GABRA3: variants seen among roughly 807,000 people sequenced by gnomAD.
GABRA3 encodes the protein gamma-aminobutyric acid type A receptor subunit alpha3, also known as gamma-aminobutyric acid receptor subunit alpha-3.
In GABRA3, 10 loss-of-function variants were observed where a neutral mutation model predicts 30.1. The ratio of observed to expected loss-of-function variants is 0.33; its 90% CI spans 0.20 to 0.56. GABRA3 has a LOEUF of 0.56. Among genes scored for constraint, GABRA3 ranks in the 20% least tolerant of loss-of-function variants. The pLI, the probability that GABRA3 is intolerant of heterozygous loss-of-function variation, is 0.89. For missense variants in GABRA3, 233 were observed against 392.0 expected (o/e 0.59, Z 3.42); for synonymous variants, 151 against 146.8 (o/e 1.03, Z -0.21).
rs1300015561 is a variant in GABRA3 at position 152,399,142 on chromosome X, T to C, written c.-26-34546A>G. The stretch of plus-strand genomic sequence containing the variant: ...CTCAGTCCTAATTCTTGGAAGTATC[T>C]TAAGATAATAGAGGTGTGCCATCAC... On this transcript the variant is annotated intron_variant, in intron 1 of 9. Coordinates refer to ENST00000370314, the MANE Select transcript of GABRA3 (RefSeq NM_000808.4). Among the ~76,000 whole-genome samples, 4 of 111,255 alleles carry C rather than the reference T, an allele frequency of 3.6e-5. No homozygotes were observed. The Admixed American group carries it at 3.8e-4, about 11-fold the overall frequency.
chrX:152,214,972 A>G (rs1937689654), intron 6 of GABRA3, among the ~76,000 whole-genome samples: 1 of 108,375 alleles, frequency 9.2e-6, no homozygotes, highest in Admixed American at 9.9e-5. Flanking sequence ...TTAGTTCTTT[A>G]GGGATATATG....
chrX:152,221,143 T>C (rs1603214476), intron 6 of GABRA3, among the ~76,000 whole-genome samples: 1 of 111,839 alleles, frequency 8.9e-6, no homozygotes, highest in East Asian at 2.8e-4. Flanking sequence ...TGGTTAATGT[T>C]AGTCTATGTC....
intron 4 of GABRA3, among the ~76,000 whole-genome samples, chrX:152,262,519 G>T (rs771627991): frequency 6.3e-5 from 7 of 111,842 alleles, no homozygotes; most frequent in Non-Finnish European, 1.1e-4. Context: ...AATTTCACCG[G>T]TCTCTTTGCT....
At chrX:152,209,830 T>G (rs1171784428) in intron 6 of GABRA3, among the ~76,000 whole-genome samples, 1 of 112,577 alleles carries the variant, frequency 8.9e-6, no homozygotes, top group Non-Finnish European at 1.9e-5. Flanking sequence ...TATTCATAAC[T>G]CTATGGTATT....
Position 152,242,895 on chromosome X carries a change from G to A in GABRA3, c.551+12883C>T, listed in dbSNP as rs774236877. Reference sequence around the variant, plus strand: ...CATCCAAAGGAAATGAAATCAGTATGTTGAAGAAATATCTGCATTTTCATG... The same window carrying A: ...CATCCAAAGGAAATGAAATCAGTATATTGAAGAAATATCTGCATTTTCATG... On this transcript the variant is annotated intron_variant, in intron 5 of 9. Coordinates refer to ENST00000370314, the MANE Select transcript of GABRA3 (RefSeq NM_000808.4). Among the ~76,000 whole-genome samples, 6 of 112,386 alleles carry A rather than the reference G, an allele frequency of 5.3e-5. 1 individual carries two copies. In the South Asian group the frequency reaches 2.2e-3, roughly 41 times the overall value.
intron 3 of GABRA3, among the ~76,000 whole-genome samples, chrX:152,308,617 C>T (rs755607279): frequency 3.6e-5 from 4 of 111,858 alleles, no homozygotes; most frequent in Non-Finnish European, 5.6e-5. Flanking sequence ...CCCTAAACGG[C>T]ATCAAAAGAT....
Position 152,295,604 on chromosome X carries a change from CA to C in GABRA3, c.263-10870del, listed in dbSNP as rs773885504. Reference sequence around the variant, plus strand: ...CCATTTTTCCAGGTAGTGTCTTTCACAGCTTCCCTTGGCTTGGAAGGGGAAA... The same window carrying C: ...CCATTTTTCCAGGTAGTGTCTTTCACGCTTCCCTTGGCTTGGAAGGGGAAA... On this transcript the variant is annotated intron_variant, in intron 3 of 9. Coordinates refer to ENST00000370314, the MANE Select transcript of GABRA3 (RefSeq NM_000808.4). Among the ~76,000 whole-genome samples the C allele has an allele frequency of 7.7e-4, 87 of 112,917 alleles. 1 individual carries two copies. The highest frequency in any genetic ancestry group is 3.7e-4 in the Admixed American group (4 of 10,721).
At chrX:152,196,331 G>A (rs1344402264) in intron 8 of GABRA3, among the ~76,000 whole-genome samples, 1 of 105,156 alleles carries the variant, frequency 9.5e-6, no homozygotes, top group Non-Finnish European at 1.9e-5. Context: ...TGAGAGGCGG[G>A]GGGTTGCAGT....
intron 9 of GABRA3, among the ~76,000 whole-genome samples, chrX:152,186,552 T>G (rs140592290): frequency 0.028 from 3,143 of 110,450 alleles, 43 homozygotes; most frequent in Middle Eastern, 0.051. Flanking sequence ...TACATCAGCC[T>G]AATTGTACTA....
chrX:152,274,335 A>G (rs1168086804), intron 4 of GABRA3, among the ~76,000 whole-genome samples: 1 of 110,922 alleles, frequency 9.0e-6, no homozygotes, highest in Non-Finnish European at 1.9e-5. Context: ...ACACTCATAA[A>G]CTTATCTACT....
At chrX:152,269,832 A>C (rs1938895114) in intron 4 of GABRA3, among the ~76,000 whole-genome samples, 2 of 112,153 alleles carry the variant, frequency 1.8e-5, no homozygotes, top group Admixed American at 9.5e-5. Context: ...CATCACACAC[A>C]ATAATAAAAT....
At chrX:152,296,658 T>C (rs1939533564) in intron 3 of GABRA3, among the ~76,000 whole-genome samples, 1 of 110,825 alleles carries the variant, frequency 9.0e-6, no homozygotes, top group African/African-American at 3.3e-5. Context: ...GTACCTGGAA[T>C]GTGCAGCAAA....
rs1603199922 is a variant in GABRA3 at position 152,181,686 on chromosome X, G to A, written c.1143+8044C>T. Among the ~76,000 whole-genome samples, 3 of 109,892 alleles carry A rather than the reference G, an allele frequency of 2.7e-5. No homozygotes were observed. In the South Asian group the frequency reaches 1.2e-3, roughly 43 times the overall value. ...GGGCCTGTTGTGGGGTGGGAGGCTG[G>A]GGGAGGGATAGCATTAGGAGATATA... On this transcript the variant is annotated intron_variant, in intron 9 of 9. Transcript: ENST00000370314.
At chrX:152,348,732 C>A (rs1203145853) in intron 2 of GABRA3, among the ~76,000 whole-genome samples, 1 of 112,212 alleles carries the variant, frequency 8.9e-6, no homozygotes, top group Non-Finnish European at 1.9e-5. Flanking sequence ...TATGTTTATA[C>A]TGTACAGCAC....
At chrX:152,398,315 C>T (rs778195138) in intron 1 of GABRA3, among the ~76,000 whole-genome samples, 1 of 107,896 alleles carries the variant, frequency 9.3e-6, no homozygotes, top group South Asian at 4.1e-4. Context: ...AGGGCCAGGC[C>T]CACAAGGGAT....
At chrX:152,266,706 A>T (rs1230961453) in intron 4 of GABRA3, among the ~76,000 whole-genome samples, 1 of 110,998 alleles carries the variant, frequency 9.0e-6, no homozygotes, top group African/African-American at 3.3e-5. Context: ...CATTAATAGT[A>T]ATCTCCCTTC....
chrX:152,231,008 AAAGAC>A (rs1603217984), intron 5 of GABRA3, among the ~76,000 whole-genome samples: 3 of 110,286 alleles, frequency 2.7e-5, no homozygotes, highest in African/African-American at 9.8e-5. Flanking sequence ...AAGAAAATGA[AAAGAC>A]AAGGCACAAA....
chrX:152,171,613 T>C (rs893639366), intron 9 of GABRA3, among the ~76,000 whole-genome samples: 6 of 111,776 alleles, frequency 5.4e-5, no homozygotes, highest in African/African-American at 1.6e-4. Context: ...TAGCCAAGTA[T>C]CTGGCTCTTA....
chrX:152,202,472 C>T (rs530910432), intron 7 of GABRA3, among the ~76,000 whole-genome samples: 1 of 111,598 alleles, frequency 9.0e-6, no homozygotes, highest in African/African-American at 3.3e-5. Flanking sequence ...CAATTAACAG[C>T]CTCTTGTGTA....
Sources: gnomAD v4.1 joint callset for allele counts (sites outside exome capture counted in the v4.1 genomes callset) on GRCh38, gnomAD v4.1.1 for gene constraint, MANE v1.5 for transcripts, NCBI Gene and HGNC (gene_info 2026-07-23, HGNC 2026-07-21) for gene names.